IGFN1: variants seen among roughly 807,000 people sequenced by gnomAD.
IGFN1 encodes immunoglobulin-like and fibronectin type III domain-containing protein 1.
IGFN1 carries 253 observed loss-of-function variants against 289.5 expected under a neutral mutation model. That is an observed-to-expected ratio of 0.87 (90% confidence interval 0.79 to 0.97). The LOEUF is 0.97. Among genes scored for constraint, IGFN1 ranks in the 50% least tolerant of loss-of-function variants. IGFN1 has a pLI of 0.00. For synonymous variants in IGFN1, 1,706 were observed against 1,788.5 expected (o/e 0.95, Z 1.16); for missense variants, 4,470 against 4,686.1 (o/e 0.95, Z 1.35).
chr1:201,227,229 A>C lies in IGFN1; in HGVS notation c.11113+21A>C. On this transcript the variant is annotated intron_variant, in intron 23 of 23. Coordinates refer to ENST00000335211, the MANE Select transcript of IGFN1 (RefSeq NM_001164586.2). ...CATAGGTAATGGTGGCTGCCCTGGC[A>C]GTGGGGCAGGAAGGAGAGCCAGGAG... is the stretch of plus-strand genomic sequence containing the variant. The C allele has an allele frequency of 2.0e-6, 3 of 1,537,258 alleles. 1 individual carries two copies. In the South Asian group the frequency reaches 3.6e-5, roughly 19 times the overall value.
At position 201,200,231 on chromosome 1, in the gene IGFN1, C is replaced by T; in HGVS notation, c.459-6C>T. Reference sequence around the variant, plus strand: ...TGGCCTCTGACCTGCTAGCCTTGCTCCCCAGGGCCCCACCAGCCCCCAAGA... The same window carrying T: ...TGGCCTCTGACCTGCTAGCCTTGCTTCCCAGGGCCCCACCAGCCCCCAAGA... On this transcript the variant is annotated splice_region_variant and splice_polypyrimidine_tract_variant and intron_variant, in intron 7 of 23. Transcript: ENST00000335211. 6.4e-7 allele frequency: 1 copy of T among 1,550,670 alleles called. No individual in the cohort carries two copies. The highest frequency in any genetic ancestry group is 8.7e-7 in the Non-Finnish European group (1 of 1,146,400).
Position 201,212,161 on chromosome 1 carries a change from A to G in IGFN1, c.7268A>G (p.Glu2423Gly), listed in dbSNP as rs1485213701. The G allele has an allele frequency of 6.5e-7, 1 of 1,536,132 alleles. No individual in the cohort carries two copies. The highest frequency in any genetic ancestry group is 1.2e-5 in the South Asian group (1 of 84,020). Residue 2423 changes from glutamate to glycine, a missense_variant, in exon 12 of 24, where the codon GAA (glutamate) becomes GGA (glycine). By Grantham distance (98) the Glu-to-Gly change is moderately conservative. Around this residue, in one of 8 missense-constraint regions of IGFN1, gnomAD observed 2,218 missense variants for 2,114.1 expected, o/e 1.05. Coordinates refer to ENST00000335211, the MANE Select transcript of IGFN1 (RefSeq NM_001164586.2). ...RLVDGAGPGV[E>G]PGMAGMPGTA... The stretch of plus-strand genomic sequence containing the variant: ...GTGGATGGGGCAGGACCTGGGGTGG[A>G]ACCTGGGATGGCTGGAATGCCAGGC...
At chr1:201,201,464 T>G (rs1256643193) in intron 8 of IGFN1, among the ~76,000 whole-genome samples, 1 of 152,164 alleles carries the variant, frequency 6.6e-6, no homozygotes, top group Non-Finnish European at 1.5e-5. Context: ...GAAGTACAGA[T>G]AGATGGAAAA....
intron 9 of IGFN1, among the ~76,000 whole-genome samples, chr1:201,203,256 C>T (rs1667240447): frequency 6.6e-6 from 1 of 152,156 alleles, no homozygotes; most frequent in African/African-American, 2.4e-5. Flanking sequence ...AAGTAGCAAA[C>T]CTATCTAGGG....
In IGFN1 at chr1:201,211,698, A is replaced by G; in HGVS notation, c.6805A>G (p.Arg2269Gly). ...EMGSGSYTDY[R>G]NGLGSSGKIS... is the part of the protein sequence containing the mutation. ...GGGTTCAGGCAGTTACACAGATTAC[A>G]GGAATGGTTTAGGCAGTTCTGGAAA... Residue 2269 changes from arginine (R) to glycine (G), a missense_variant, in exon 12 of 24, where the codon AGG (arginine) becomes GGG (glycine). Arg to Gly is a moderately radical substitution (Grantham distance 125). Coordinates refer to ENST00000335211, the MANE Select transcript of IGFN1 (RefSeq NM_001164586.2). The G allele has an allele frequency of 6.5e-7, 1 of 1,537,048 alleles. No homozygotes were observed. Among genetic ancestry groups the G allele is most frequent in the South Asian group, 1.2e-5 (1 of 84,064 alleles).
At chr1:201,214,149 C>A (rs1451322232) in intron 12 of IGFN1, 28 bp from the exon 13 acceptor site, 1 of 1,590,848 alleles carries the variant, frequency 6.3e-7, no homozygotes, top group Non-Finnish European at 8.6e-7. Flanking sequence ...GGCGCTCGGC[C>A]CTGGGGATTC....
intron 23 of IGFN1, 125 bp downstream of exon 23, chr1:201,227,333 T>C: frequency 7.6e-6 from 5 of 658,074 alleles, no homozygotes; most frequent in Non-Finnish European, 1.3e-5. Context: ...CAGGACTCTC[T>C]GCCTGACTCT....
Position 201,216,474 on chromosome 1 carries a change from G to T in IGFN1, c.9316G>T (p.Gly3106Cys), listed in dbSNP as rs1207958834. Reference sequence around the variant, plus strand: ...CCCAGACAAGCCTGATCCCCCACAAGGCCCCATGGAGGTTCAGGATTGCCA... The same window carrying T: ...CCCAGACAAGCCTGATCCCCCACAATGCCCCATGGAGGTTCAGGATTGCCA... ...QVIDKPDPPQGPMEVQDCHRA... is the reference protein window; with the variant it reads ...QVIDKPDPPQCPMEVQDCHRA... Residue 3106 changes from glycine (G) to cysteine (C), a missense_variant, in exon 16 of 24, where the codon GGC (glycine) becomes TGC (cysteine). Around this residue, in one of 8 missense-constraint regions of IGFN1, gnomAD observed 2,218 missense variants for 2,114.1 expected, o/e 1.05. Coordinates refer to ENST00000335211, the MANE Select transcript of IGFN1 (RefSeq NM_001164586.2). 6.3e-6 allele frequency: 10 copies of T among 1,580,694 alleles called. No individual in the cohort carries two copies. In the Admixed American group the frequency reaches 1.8e-4, roughly 28 times the overall value.
chr1:201,203,507 C>T (rs1667250391), intron 9 of IGFN1, among the ~76,000 whole-genome samples: 1 of 152,234 alleles, frequency 6.6e-6, no homozygotes, highest in African/African-American at 2.4e-5. Flanking sequence ...GCAGACTTTT[C>T]ACTCCATGGA....
rs780362331 is a variant in IGFN1, at chr1:201,227,206, T to C, written c.11111T>C (p.Ile3704Thr). 57 of 1,574,020 alleles carry C rather than the reference T, an allele frequency of 3.6e-5. No homozygotes were observed. The East Asian group carries it at 5.9e-4, about 16-fold the overall frequency. Residue 3704 changes from isoleucine to threonine, a missense_variant and splice_region_variant, in exon 23 of 24, where the codon ATA (isoleucine) becomes ACA (threonine). Ile to Thr is a moderately conservative substitution (Grantham distance 89). Transcript: ENST00000335211. ...GTCAGCACTGCCACCCTCATTGTCA[T>C]AGGTAATGGTGGCTGCCCTGGCAGT... ...QAVSTATLIV[I>T]EPST
chr1:201,194,118 G>A (rs143808417), intron 2 of IGFN1, 36 bp from the exon 3 acceptor site: 3 of 1,548,400 alleles, frequency 1.9e-6, no homozygotes, highest in African/African-American at 2.7e-5. Context: ...GGAAGAAGGT[G>A]GAAGGCCCCA....
chr1:201,225,604 A>C (rs538062916), intron 21 of IGFN1, among the ~76,000 whole-genome samples: 14 of 152,344 alleles, frequency 9.2e-5, no homozygotes, highest in Non-Finnish European at 4.4e-5. Context: ...AAAAACAAAC[A>C]AACAAACACA....
Position 201,228,273 on chromosome 1 carries a change from C to G in IGFN1, c.11114-113C>G. 6 of 1,107,926 alleles carry G rather than the reference C, an allele frequency of 5.4e-6. 1 individual carries two copies. In the South Asian group the frequency reaches 7.5e-5, roughly 14 times the overall value. The allele number at this position is 1,107,926 out of a possible 1,614,324, so 68.6% of individuals were successfully genotyped here. On this transcript the variant is annotated intron_variant, in intron 23 of 23. Coordinates refer to ENST00000335211, the MANE Select transcript of IGFN1 (RefSeq NM_001164586.2). ...GGCTCCAGATTTGAACCCACACCCC[C>G]TGATGGCAGAGCCTGTAGTCTAAGC...
chr1:201,215,370 G>T (rs1384247357), intron 14 of IGFN1, among the ~76,000 whole-genome samples, 169 bp from the exon 15 acceptor site: 1 of 152,160 alleles, frequency 6.6e-6, no homozygotes, highest in Non-Finnish European at 1.5e-5. Flanking sequence ...TGAGGTCTAA[G>T]CCTGGTCTCT....
chr1:201,212,410 G>T lies in IGFN1; in HGVS notation c.7517G>T (p.Arg2506Ile). 2 of 1,537,076 alleles carry T rather than the reference G, an allele frequency of 1.3e-6. No individual in the cohort carries two copies. Among genetic ancestry groups the T allele is most frequent in the Non-Finnish European group, 1.7e-6 (2 of 1,146,820 alleles). Residue 2506 changes from arginine to isoleucine, a missense_variant, in exon 12 of 24, where the codon AGA (arginine) becomes ATA (isoleucine). Physicochemically the swap from Arg to Ile is moderately conservative, Grantham distance 97. This residue lies in a region of IGFN1 where 2,218 missense variants were observed against 2,114.1 expected (regional missense o/e 1.05). Transcript: ENST00000335211. ...GGGACTCCAGGGTCTTCTAGAGACA[G>T]AGGGGCTCCCAGGGTGAAGGATAGG... The part of the protein sequence containing the change: ...SSGTPGSSRD[R>I]GAPRVKDRSP...
At chr1:201,222,129 T>C (rs6692846) in intron 19 of IGFN1, 153,398 of 169,678 alleles carry the variant, frequency 0.9, 69,504 homozygotes, top group East Asian at 1. Context: ...TTCGAAGGCC[T>C]AAGGGCCGCT....
chr1:201,228,772 G>A lies in IGFN1; in HGVS notation c.*373G>A, dbSNP rs1267959022. The A allele has an allele frequency of 1.1e-5, 3 of 272,680 alleles. No homozygotes were observed. Among genetic ancestry groups the A allele is most frequent in the South Asian group, 4.9e-5 (1 of 20,324 alleles). The allele number at this position is 272,680 out of a possible 1,614,324, so 16.9% of individuals were successfully genotyped here. A position where few individuals can be genotyped will look rare whatever the true frequency, so the allele number is the denominator to read the frequency against. ...TTGGAGGGAGGGTGGGCACAGCTGG[G>A]CCTGCTGTGACCACTGGGAGGGAAG... On this transcript the variant is annotated 3_prime_UTR_variant, in exon 24 of 24. Coordinates refer to ENST00000335211, the MANE Select transcript of IGFN1 (RefSeq NM_001164586.2).
chr1:201,211,423 G>C lies in IGFN1; in HGVS notation c.6530G>C (p.Gly2177Ala). The C allele has an allele frequency of 6.7e-7, 1 of 1,498,078 alleles. No homozygotes were observed. The highest frequency in any genetic ancestry group is 8.9e-7 in the Non-Finnish European group (1 of 1,124,630). 92.8% of individuals were successfully genotyped at this position (1,498,078 alleles called of 1,614,324 possible). A position where few individuals can be genotyped will look rare whatever the true frequency, so the allele number is the denominator to read the frequency against. ...GAAATGGGGTCAATGGATGAGGCAG[G>C]TTATAGGAAGGATTTGGGAGCTCCT... ...SGEMGSMDEAGYRKDLGAPEG... is the reference protein window; with the variant it reads ...SGEMGSMDEAAYRKDLGAPEG... Residue 2177 changes from glycine to alanine, a missense_variant, in exon 12 of 24, where the codon GGT (glycine) becomes GCT (alanine). By Grantham distance (60) the Gly-to-Ala change is moderately conservative. Around this residue, in one of 8 missense-constraint regions of IGFN1, gnomAD observed 2,218 missense variants for 2,114.1 expected, o/e 1.05. Transcript: ENST00000335211.
At chr1:201,193,944 C>T (rs996299502) in intron 2 of IGFN1, among the ~76,000 whole-genome samples, 2 of 152,298 alleles carry the variant, frequency 1.3e-5, no homozygotes, top group South Asian at 2.1e-4. Flanking sequence ...TCCATTCACA[C>T]TGCCAGAGTG....
Sources: allele counts gnomAD v4.1 joint callset (sites outside exome capture counted in the v4.1 genomes callset), GRCh38; gene constraint gnomAD v4.1.1; regional missense constraint gnomAD v4.1.1; transcripts MANE v1.5; gene names NCBI Gene and HGNC (gene_info 2026-07-23, HGNC 2026-07-21).